HTR2C: variants seen among roughly 807,000 people sequenced by gnomAD.
HTR2C encodes 5-hydroxytryptamine (serotonin) receptor 2C, G protein-coupled.
Under a neutral mutation model 21.0 loss-of-function variants are expected in HTR2C, and 5 were observed. The observed-to-expected ratio is 0.24, with a 90% CI of 0.12 to 0.50. HTR2C has a LOEUF of 0.50. HTR2C is among the 20% of genes least tolerant of loss of function. The probability of loss-of-function intolerance (pLI) is 0.98; values close to 1 mark genes in which losing one functional copy is unlikely to be tolerated. For missense variants in HTR2C, 271 were observed against 371.2 expected (o/e 0.73, Z 2.22); for synonymous variants, 150 against 145.3 (o/e 1.03, Z -0.23).
At chrX:114,622,543 T>C (rs1474338253) in intron 2 of HTR2C, among the ~76,000 whole-genome samples, 7 of 111,882 alleles carry the variant, frequency 6.3e-5, no homozygotes, top group African/African-American at 2.3e-4. Flanking sequence ...TTTGGAGGTA[T>C]GTTTCATTGG....
chrX:114,644,963 C>A (rs1487756645), intron 2 of HTR2C, among the ~76,000 whole-genome samples: 1 of 110,708 alleles, frequency 9.0e-6, no homozygotes, highest in African/African-American at 3.3e-5. Context: ...CACCAAAGTG[C>A]ATTCTCTATA....
chrX:114,614,081 A>T (rs1302140044), intron 2 of HTR2C, among the ~76,000 whole-genome samples, 200 bp downstream of exon 2: 1 of 110,630 alleles, frequency 9.0e-6, no homozygotes, highest in African/African-American at 3.3e-5. Context: ...GAAAAAAAAA[A>T]ACTCGGCTTA....
intron 2 of HTR2C, among the ~76,000 whole-genome samples, chrX:114,724,388 T>C (rs1352358154): frequency 9.7e-6 from 1 of 103,011 alleles, no homozygotes; most frequent in Non-Finnish European, 2.0e-5. Context: ...CTCCATCCTT[T>C]TATTTTGAGC....
chrX:114,861,365 G>C (rs1556472836), intron 5 of HTR2C, among the ~76,000 whole-genome samples: 2 of 110,812 alleles, frequency 1.8e-5, no homozygotes, highest in Admixed American at 9.7e-5. Flanking sequence ...TTCTGTTTTA[G>C]GGCTGAACAG....
chrX:114,645,771 A>T (rs1930340097), intron 2 of HTR2C, among the ~76,000 whole-genome samples: 1 of 112,110 alleles, frequency 8.9e-6, no homozygotes, highest in African/African-American at 3.2e-5. Flanking sequence ...CATTTTTATG[A>T]AAAAAGATAA....
At position 114,751,478 on chromosome X, in the gene HTR2C, T is replaced by G. The variant is rs782008101; in HGVS notation, c.349+19871T>G. On this transcript the variant is annotated intron_variant, in intron 4 of 5. Transcript: ENST00000276198. Reference sequence around the variant, plus strand: ...ACATTTAAAAGGCAGGAGAAGATTTTGGGGGAGAATGAGGGACATGTAAAC... The same window carrying G: ...ACATTTAAAAGGCAGGAGAAGATTTGGGGGGAGAATGAGGGACATGTAAAC... 1.3e-4 allele frequency among the ~76,000 whole-genome samples: 15 copies of G among 111,815 alleles called. No individual in the cohort carries two copies. In the East Asian group the frequency reaches 4.2e-3, roughly 31 times the overall value.
chrX:114,631,329 A>G (rs1556404274), intron 2 of HTR2C, among the ~76,000 whole-genome samples: 1 of 109,284 alleles, frequency 9.2e-6, no homozygotes, highest in Non-Finnish European at 1.9e-5. Context: ...AAAAGTGACT[A>G]TGTCCGTACC....
intron 4 of HTR2C, among the ~76,000 whole-genome samples, chrX:114,826,131 G>A (rs782637784): frequency 3.1e-4 from 34 of 108,456 alleles, no homozygotes; most frequent in South Asian, 8.1e-4. Context: ...CAGTCTGGAG[G>A]GCCATGGCAC....
intron 4 of HTR2C, among the ~76,000 whole-genome samples, chrX:114,789,236 C>G (rs1166876937): frequency 8.9e-6 from 1 of 112,098 alleles, no homozygotes; most frequent in Non-Finnish European, 1.9e-5. Flanking sequence ...AAGAAGACTA[C>G]TTGAGATTTT....
intron 2 of HTR2C, among the ~76,000 whole-genome samples, chrX:114,678,270 G>GACACACACAC (rs200416814): frequency 0.067 from 6,694 of 100,143 alleles, 214 homozygotes; most frequent in Middle Eastern, 0.12. Context: ...CTCTCTGTCT[G>GACACACACAC]ACACACACAC....
At chrX:114,903,278 G>C (rs2071350003) in intron 5 of HTR2C, among the ~76,000 whole-genome samples, 1 of 111,871 alleles carries the variant, frequency 8.9e-6, no homozygotes, top group Non-Finnish European at 1.9e-5. Flanking sequence ...TTGCATTCAT[G>C]GTTTCTAAAA....
intron 2 of HTR2C, among the ~76,000 whole-genome samples, chrX:114,641,783 T>G (rs183887681): frequency 9.0e-6 from 1 of 111,533 alleles, no homozygotes; most frequent in East Asian, 2.8e-4. Flanking sequence ...TGTGCAGGTT[T>G]GTTACATAGG....
intron 4 of HTR2C, among the ~76,000 whole-genome samples, chrX:114,791,898 C>G (rs1021429795): frequency 9.0e-6 from 1 of 111,027 alleles, no homozygotes; most frequent in African/African-American, 3.3e-5. Flanking sequence ...AAACTTGATG[C>G]GTGATCTTTA....
At chrX:114,883,425 T>C (rs1288454626) in intron 5 of HTR2C, among the ~76,000 whole-genome samples, 6 of 110,676 alleles carry the variant, frequency 5.4e-5, no homozygotes, top group Admixed American at 1.9e-4. Context: ...ATTTCATTAA[T>C]TTCTGCTCTA....
chrX:114,702,529 C>T (rs1361999240), intron 2 of HTR2C, among the ~76,000 whole-genome samples: 22 of 110,945 alleles, frequency 2.0e-4, no homozygotes, highest in Non-Finnish European at 3.6e-4. Flanking sequence ...TTGTCACCAC[C>T]AGGCCTGCCC....
intron 4 of HTR2C, among the ~76,000 whole-genome samples, chrX:114,741,524 TAAAAAAAAAAAAA>T (rs782206973): frequency 2.0e-4 from 1 of 4,901 alleles, no homozygotes; most frequent in East Asian, 0.016. Context: ...CGACTCCGTC[TAAAAAAAAAAAAA>T]AAAAAAAAAA....
intron 2 of HTR2C, among the ~76,000 whole-genome samples, chrX:114,717,085 CT>C (rs1341360836): frequency 1.9e-5 from 2 of 105,971 alleles, no homozygotes. Flanking sequence ...TCTACAATTT[CT>C]TTTTTTTTTG....
intron 2 of HTR2C, among the ~76,000 whole-genome samples, chrX:114,716,623 A>C (rs1933002697): frequency 8.9e-6 from 1 of 111,914 alleles, no homozygotes; most frequent in Admixed American, 9.6e-5. Context: ...CATTGATGAT[A>C]ATAACTGAAA....
Position 114,795,197 on chromosome X carries a change from A to G in HTR2C, c.350-52806A>G, listed in dbSNP as rs782453078. On this transcript the variant is annotated intron_variant, in intron 4 of 5. Transcript: ENST00000276198. ...CTTCTTTTGTGAAGTGTCTGTTCAT[A>G]TCCTTTGCCCACTTTTTGATGGGGT... Among the ~76,000 whole-genome samples, 13 of 110,571 alleles carry G rather than the reference A, an allele frequency of 1.2e-4. No individual in the cohort carries two copies. The East Asian group carries it at 1.7e-3, about 15-fold the overall frequency.
Sources: allele counts gnomAD v4.1 joint callset (sites outside exome capture counted in the v4.1 genomes callset), GRCh38; gene constraint gnomAD v4.1.1; transcripts MANE v1.5; gene names NCBI Gene and HGNC (gene_info 2026-07-23, HGNC 2026-07-21).